The following GLCE variants were observed in gnomAD, a reference collection of about 807,000 sequenced individuals.
The protein encoded by GLCE is D-glucuronyl C5-epimerase.
In GLCE, 19 loss-of-function variants were observed where a neutral mutation model predicts 47.9. The ratio of observed to expected loss-of-function variants is 0.40; its 90% CI spans 0.28 to 0.58. The LOEUF is 0.58. Among genes scored for constraint, GLCE ranks in the 20% least tolerant of loss-of-function variants. The probability of loss-of-function intolerance (pLI) is 0.48; values close to 1 mark genes in which losing one functional copy is unlikely to be tolerated. For missense variants in GLCE, 556 were observed against 743.3 expected (o/e 0.75, Z 2.93); for synonymous variants, 245 against 263.4 (o/e 0.93, Z 0.68).
intron 1 of GLCE, among the ~76,000 whole-genome samples, chr15:69,173,380 A>G (rs147239760): frequency 5.8e-4 from 88 of 152,322 alleles, no homozygotes; most frequent in African/African-American, 1.9e-3. Context: ...GATGATCTTT[A>G]ATGTTCTTCC....
At chr15:69,161,342 G>A (rs1784079681) in intron 1 of GLCE, among the ~76,000 whole-genome samples, 1 of 152,006 alleles carries the variant, frequency 6.6e-6, no homozygotes, top group Admixed American at 6.5e-5. Flanking sequence ...CGGTGTCTCC[G>A]GGTGAGAGAG....
At chr15:69,185,577 AC>A (rs2051810809) in intron 1 of GLCE, among the ~76,000 whole-genome samples, 1 of 151,936 alleles carries the variant, frequency 6.6e-6, no homozygotes, top group South Asian at 2.1e-4. Flanking sequence ...CCTGGAGAGA[AC>A]TACCTGTCTT....
chr15:69,163,002 C>T (rs1251620727), intron 1 of GLCE, among the ~76,000 whole-genome samples: 1 of 152,096 alleles, frequency 6.6e-6, no homozygotes, highest in Non-Finnish European at 1.5e-5. Flanking sequence ...AAAGGAATCC[C>T]GCACAGCAAT....
At chr15:69,171,594 C>A (rs2051590037) in intron 1 of GLCE, among the ~76,000 whole-genome samples, 1 of 151,916 alleles carries the variant, frequency 6.6e-6, no homozygotes, top group Non-Finnish European at 1.5e-5. Flanking sequence ...GACGGGGTTT[C>A]ATTATGTTGG....
At chr15:69,236,625 T>C (rs7173011) in intron 2 of GLCE, among the ~76,000 whole-genome samples, 77,545 of 151,988 alleles carry the variant, frequency 0.51, 23,391 homozygotes, top group Admixed American at 0.65. Context: ...TAGTAACCGC[T>C]CTAAAAGAAA....
Position 69,181,589 on chromosome 15 carries a change from T to G in GLCE, c.-105+20832T>G, listed in dbSNP as rs559578963. ...TAAAGAGAACTGGTAATTGAATTGG[T>G]CATTCTAGTTTGCAATGTGGAATTC... On this transcript the variant is annotated intron_variant, in intron 1 of 4. Transcript: ENST00000261858. 9.2e-5 allele frequency among the ~76,000 whole-genome samples: 14 copies of G among 152,292 alleles called. No homozygotes were observed. The South Asian group carries it at 2.9e-3, about 32-fold the overall frequency.
intron 1 of GLCE, among the ~76,000 whole-genome samples, chr15:69,170,437 A>C (rs891866365): frequency 2.0e-5 from 3 of 152,178 alleles, no homozygotes; most frequent in African/African-American, 7.2e-5. Flanking sequence ...CAGTTGTCCC[A>C]GAGGCAGCCA....
At chr15:69,250,514 A>AT (rs948355402) in intron 2 of GLCE, among the ~76,000 whole-genome samples, 31 of 150,402 alleles carry the variant, frequency 2.1e-4, no homozygotes, top group East Asian at 5.8e-4. Flanking sequence ...GTTTTTCATT[A>AT]TTTTTTTTTA....
At chr15:69,191,182 T>C (rs1012766855) in intron 1 of GLCE, among the ~76,000 whole-genome samples, 2 of 152,190 alleles carry the variant, frequency 1.3e-5, no homozygotes, top group Non-Finnish European at 2.9e-5. Flanking sequence ...TGTTTTTGTT[T>C]AGTATCATTT....
At chr15:69,163,068 A>G (rs540279887) in intron 1 of GLCE, among the ~76,000 whole-genome samples, 1 of 152,220 alleles carries the variant, frequency 6.6e-6, no homozygotes, top group Admixed American at 6.5e-5. Context: ...ATTCAGACCA[A>G]AATACCTGGT....
intron 4 of GLCE, among the ~76,000 whole-genome samples, chr15:69,264,072 T>C (rs576902143): frequency 2.1e-3 from 321 of 152,300 alleles, no homozygotes; most frequent in African/African-American, 7.5e-3. Context: ...TACAGTATTA[T>C]AAGCTGTAGT....
intron 2 of GLCE, among the ~76,000 whole-genome samples, chr15:69,247,771 G>A (rs73437115): frequency 0.012 from 1,756 of 152,258 alleles, 37 homozygotes; most frequent in African/African-American, 0.04. Context: ...CAAGGCCCAA[G>A]GAGAAGGTCA....
intron 2 of GLCE, among the ~76,000 whole-genome samples, chr15:69,226,498 CT>C (rs2052449466): frequency 6.6e-6 from 1 of 152,118 alleles, no homozygotes; most frequent in Non-Finnish European, 1.5e-5. Flanking sequence ...AGCGTTTTTA[CT>C]TTGTCCATAG....
chr15:69,184,745 A>G (rs2051798237), intron 1 of GLCE, among the ~76,000 whole-genome samples: 1 of 152,206 alleles, frequency 6.6e-6, no homozygotes, highest in Non-Finnish European at 1.5e-5. Context: ...GATCATTTCC[A>G]TTGTTCCACT....
At chr15:69,241,639 A>G (rs1476550247) in intron 2 of GLCE, among the ~76,000 whole-genome samples, 1 of 152,198 alleles carries the variant, frequency 6.6e-6, no homozygotes, top group Non-Finnish European at 1.5e-5. Context: ...TACCTACTTT[A>G]TGCATATGGT....
chr15:69,266,714 A>C, intron 4 of GLCE: 1 of 928,468 alleles, frequency 1.1e-6, no homozygotes, highest in Non-Finnish European at 1.3e-6. Flanking sequence ...ATCTAAGAGA[A>C]CCTTTCTATT....
chr15:69,198,137 T>C (rs908312781), intron 1 of GLCE, among the ~76,000 whole-genome samples: 6 of 152,138 alleles, frequency 3.9e-5, no homozygotes, highest in African/African-American at 1.4e-4. Flanking sequence ...AAACCCTGCA[T>C]GTGGCATTCA....
At chr15:69,231,519 G>C (rs1340978500) in intron 2 of GLCE, among the ~76,000 whole-genome samples, 1 of 151,950 alleles carries the variant, frequency 6.6e-6, no homozygotes, top group Non-Finnish European at 1.5e-5. Flanking sequence ...TCCTGATCTC[G>C]TGATCCGCCT....
chr15:69,190,947 G>A (rs1400932837), intron 1 of GLCE, among the ~76,000 whole-genome samples: 1 of 151,694 alleles, frequency 6.6e-6, no homozygotes, highest in Admixed American at 6.6e-5. Flanking sequence ...TTTTTTAGTG[G>A]TTGTCCTAGG....
Sources: gnomAD v4.1 joint callset for allele counts (sites outside exome capture counted in the v4.1 genomes callset) on GRCh38, gnomAD v4.1.1 for gene constraint, MANE v1.5 for transcripts, NCBI Gene and HGNC (gene_info 2026-07-23, HGNC 2026-07-21) for gene names.